The following RBMS3 variants were observed in gnomAD, a reference collection of about 807,000 sequenced individuals.
RBMS3 encodes the protein RNA-binding motif, single-stranded-interacting protein 3.
A neutral mutation model predicts 66.8 loss-of-function variants in RBMS3; 27 were observed. That is an observed-to-expected ratio of 0.40 (90% CI 0.30 to 0.56). RBMS3 has a LOEUF of 0.56. RBMS3 is among the 20% of genes least tolerant of loss of function. The pLI is 0.40. For missense variants in RBMS3, 513 were observed against 549.5 expected (o/e 0.93, Z 0.66); for synonymous variants, 188 against 183.0 (o/e 1.03, Z -0.22).
chr3:29,975,187 T>C (rs545125631), intron 12 of RBMS3, among the ~76,000 whole-genome samples: 5 of 149,142 alleles, frequency 3.4e-5, no homozygotes, highest in African/African-American at 1.2e-4. Flanking sequence ...AGATGAAATT[T>C]AGGTGACTTC....
intron 3 of RBMS3, among the ~76,000 whole-genome samples, chr3:29,574,243 T>G (rs906177946): frequency 3.9e-5 from 6 of 152,170 alleles, no homozygotes; most frequent in African/African-American, 1.4e-4. Context: ...GGTGCTCCAG[T>G]GTTGGGTGCA....
chr3:29,983,843 A>AT (rs2149787646), intron 12 of RBMS3, among the ~76,000 whole-genome samples: 1 of 151,420 alleles, frequency 6.6e-6, no homozygotes, highest in South Asian at 2.1e-4. Flanking sequence ...TGCCCTTAAC[A>AT]TTTTTTCTTT....
intron 11 of RBMS3, among the ~76,000 whole-genome samples, chr3:29,937,490 C>A (rs1483804314): frequency 1.3e-5 from 2 of 151,852 alleles, no homozygotes; most frequent in African/African-American, 4.8e-5. Flanking sequence ...CTAATCTGTC[C>A]TAAATAGGAA....
chr3:29,491,246 A>T (rs1270853965), intron 3 of RBMS3, among the ~76,000 whole-genome samples: 3 of 152,106 alleles, frequency 2.0e-5, no homozygotes, highest in African/African-American at 7.2e-5. Context: ...AGCTCCTAAA[A>T]TCCCTATCCA....
At chr3:29,791,457 C>G (rs987591943) in intron 6 of RBMS3, among the ~76,000 whole-genome samples, 7 of 152,152 alleles carry the variant, frequency 4.6e-5, no homozygotes, top group Non-Finnish European at 1.0e-4. Flanking sequence ...CAGTGGTGTG[C>G]TTTAGCTGAT....
chr3:29,930,839 G>A (rs939558856), intron 10 of RBMS3, among the ~76,000 whole-genome samples: 3 of 151,876 alleles, frequency 2.0e-5, no homozygotes, highest in Admixed American at 6.6e-5. Flanking sequence ...TCATTAATGC[G>A]CATGTGTGAG....
intron 3 of RBMS3, among the ~76,000 whole-genome samples, chr3:29,524,730 C>T (rs2045021977): frequency 6.6e-6 from 1 of 151,916 alleles, no homozygotes; most frequent in Non-Finnish European, 1.5e-5. Context: ...AGGCATGAGC[C>T]ATCACGACCA....
intron 3 of RBMS3, among the ~76,000 whole-genome samples, chr3:29,561,095 A>T (rs116802327): frequency 0.032 from 4,186 of 131,078 alleles, 210 homozygotes; most frequent in African/African-American, 0.11. Flanking sequence ...GCTACATAGT[A>T]TTCCATGGTG....
intron 6 of RBMS3, among the ~76,000 whole-genome samples, chr3:29,842,587 A>T (rs534786662): frequency 6.6e-6 from 1 of 152,272 alleles, no homozygotes; most frequent in South Asian, 2.1e-4. Flanking sequence ...TTCCCCAGTG[A>T]TAGGCTAGAT....
intron 4 of RBMS3, among the ~76,000 whole-genome samples, chr3:29,618,420 C>T (rs912101615): frequency 2.6e-5 from 4 of 151,892 alleles, no homozygotes; most frequent in Non-Finnish European, 4.4e-5. Flanking sequence ...GCAGAAGAAT[C>T]GCTTGAACCC....
intron 8 of RBMS3, among the ~76,000 whole-genome samples, chr3:29,887,502 A>G (rs181077140): frequency 6.6e-6 from 1 of 151,850 alleles, no homozygotes; most frequent in South Asian, 2.1e-4. Flanking sequence ...TGGAGAAGGT[A>G]TCTTGCTTCC....
chr3:29,402,792 G>A (rs2039866940), intron 1 of RBMS3, among the ~76,000 whole-genome samples: 1 of 151,932 alleles, frequency 6.6e-6, no homozygotes, highest in Admixed American at 6.6e-5. Flanking sequence ...GCATTCTGTG[G>A]CACAGAACTT....
At chr3:29,524,991 G>C (rs1326869931) in intron 3 of RBMS3, among the ~76,000 whole-genome samples, 1 of 151,968 alleles carries the variant, frequency 6.6e-6, no homozygotes, top group African/African-American at 2.4e-5. Flanking sequence ...GAGTTCTAGG[G>C]TGCGGTGAGC....
intron 1 of RBMS3, among the ~76,000 whole-genome samples, chr3:29,365,273 C>T (rs2037833799): frequency 6.6e-6 from 1 of 151,832 alleles, no homozygotes; most frequent in South Asian, 2.1e-4. Context: ...ATAAATTTAA[C>T]ATTAAGCTGT....
intron 1 of RBMS3, among the ~76,000 whole-genome samples, chr3:29,431,499 G>T (rs1056258582): frequency 5.3e-5 from 8 of 151,588 alleles, no homozygotes; most frequent in African/African-American, 1.5e-4. Context: ...CACTATGTTG[G>T]CCAGGATGGT....
chr3:29,337,988 A>G (rs935411560), intron 1 of RBMS3, among the ~76,000 whole-genome samples: 5 of 152,112 alleles, frequency 3.3e-5, no homozygotes, highest in African/African-American at 1.2e-4. Context: ...AATGGAAGGG[A>G]CTCATCTATT....
At chr3:29,532,073 T>C (rs1304977737) in intron 3 of RBMS3, among the ~76,000 whole-genome samples, 2 of 151,872 alleles carry the variant, frequency 1.3e-5, no homozygotes, top group Admixed American at 6.6e-5. Context: ...ATTCAATACA[T>C]GTCACTTGTT....
In RBMS3 at chr3:29,988,171, G is replaced by A. The variant is rs771635053; in HGVS notation, c.1127G>A (p.Gly376Glu). Residue 376 changes from glycine to glutamate, a missense_variant, in exon 13 of 15, where the codon GGG (glycine) becomes GAG (glutamate). Gly to Glu is a moderately conservative substitution (Grantham distance 98, BLOSUM62 -2). Coordinates refer to ENST00000383767, the MANE Select transcript of RBMS3 (RefSeq NM_001003793.3). ...ATGACTGCTGCTGCTCCTATGCAAG[G>A]GACCTACATTCCTCAGTACACGCCT... Reference protein sequence around the residue: ...QYMTAAAPMQGTYIPQYTPVP... With the variant: ...QYMTAAAPMQETYIPQYTPVP... 11 of 1,613,162 alleles carry A rather than the reference G, an allele frequency of 6.8e-6. No individual in the cohort carries two copies. Among genetic ancestry groups the A allele is most frequent in the Non-Finnish European group, 9.3e-6 (11 of 1,179,354 alleles).
At chr3:29,485,786 C>A (rs2043297581) in intron 2 of RBMS3, among the ~76,000 whole-genome samples, 1 of 152,096 alleles carries the variant, frequency 6.6e-6, no homozygotes, top group South Asian at 2.1e-4. Context: ...GCTCAGGTGT[C>A]TATTTCCAGG....
Sources: gnomAD v4.1 joint callset for allele counts (sites outside exome capture counted in the v4.1 genomes callset) on GRCh38, gnomAD v4.1.1 for gene constraint, MANE v1.5 for transcripts, NCBI Gene and HGNC (gene_info 2026-07-23, HGNC 2026-07-21) for gene names.